Variants in DACH1 observed in about 807,000 individuals in gnomAD.
The protein encoded by DACH1 is dachshund homolog 1.
In DACH1, 12 loss-of-function variants were observed where a neutral mutation model predicts 54.2. The observed-to-expected ratio is 0.22, with a 90% CI of 0.14 to 0.36. DACH1 has a LOEUF of 0.36. Among genes scored for constraint, DACH1 ranks in the 10% least tolerant of loss-of-function variants. DACH1 has a pLI of 1.00. For synonymous variants in DACH1, 386 were observed against 366.2 expected, an observed-to-expected ratio of 1.05 and a Z score of -0.62; for missense variants, 805 against 929.8, an observed-to-expected ratio of 0.87 and a Z score of 1.75.
chr13:71,661,254 C>A (rs1047849816), intron 2 of DACH1, among the ~76,000 whole-genome samples: 3 of 151,108 alleles, frequency 2.0e-5, no homozygotes, highest in African/African-American at 7.3e-5. Flanking sequence ...TAGAAAATAT[C>A]TTAGCACATA....
In DACH1 at chr13:71,475,853, A is replaced by C; in HGVS notation, c.1871-4T>G. The C allele has an allele frequency of 6.3e-7, 1 of 1,599,350 alleles. No homozygotes were observed. On this transcript the variant is annotated splice_region_variant and splice_polypyrimidine_tract_variant and intron_variant, in intron 8 of 10. Coordinates refer to ENST00000613252, the MANE Select transcript of DACH1 (RefSeq NM_080759.6). ...TTTAGCCTCTTTTGAACTATGGCTA[A>C]AAAAGAGTGTATGCATATTATTATT...
chr13:71,591,310 T>TA (rs1484177144), intron 3 of DACH1, among the ~76,000 whole-genome samples: 2 of 152,142 alleles, frequency 1.3e-5, no homozygotes, highest in Non-Finnish European at 2.9e-5. Flanking sequence ...ATATAGATTC[T>TA]AAAAAATCAT....
At chr13:71,657,881 T>C (rs1353780950) in intron 2 of DACH1, among the ~76,000 whole-genome samples, 1 of 152,188 alleles carries the variant, frequency 6.6e-6, no homozygotes, top group Admixed American at 6.5e-5. Flanking sequence ...GTGCTGGGAT[T>C]ACGGGTGTGA....
chr13:71,518,828 C>G (rs1251854664), intron 6 of DACH1, among the ~76,000 whole-genome samples: 2 of 151,784 alleles, frequency 1.3e-5, no homozygotes, highest in Non-Finnish European at 2.9e-5. Flanking sequence ...CAGATCCAAC[C>G]TGCTGCCTGA....
intron 1 of DACH1, among the ~76,000 whole-genome samples, chr13:71,702,129 T>C (rs1882168491): frequency 6.6e-6 from 1 of 152,130 alleles, no homozygotes; most frequent in Non-Finnish European, 1.5e-5. Flanking sequence ...GTTACGCAAG[T>C]CACAAGAAAT....
intron 7 of DACH1, among the ~76,000 whole-genome samples, chr13:71,488,448 A>G (rs1411818432): frequency 6.6e-6 from 1 of 152,186 alleles, no homozygotes; most frequent in Non-Finnish European, 1.5e-5. Flanking sequence ...TGAGGACCAC[A>G]TAGGAAATCC....
chr13:71,463,621 G>A (rs1222630224), intron 10 of DACH1, among the ~76,000 whole-genome samples: 3 of 151,928 alleles, frequency 2.0e-5, no homozygotes, highest in African/African-American at 4.8e-5. Flanking sequence ...TTACATCTAT[G>A]TACCTCAGTT....
chr13:71,782,940 T>G (rs1594215856), intron 1 of DACH1, among the ~76,000 whole-genome samples: 3 of 152,134 alleles, frequency 2.0e-5, no homozygotes, highest in Admixed American at 2.0e-4. Context: ...TAAAAATTAT[T>G]CCTCAAAGTC....
chr13:71,777,978 G>C (rs1402770672), intron 1 of DACH1, among the ~76,000 whole-genome samples: 2 of 151,800 alleles, frequency 1.3e-5, no homozygotes, highest in African/African-American at 4.8e-5. Context: ...TTAGCTGGTA[G>C]TAAGGGGTTG....
intron 1 of DACH1, among the ~76,000 whole-genome samples, chr13:71,701,208 C>T (rs1481965571): frequency 1.3e-5 from 2 of 151,864 alleles, no homozygotes; most frequent in Non-Finnish European, 2.9e-5. Context: ...AATAAATGTT[C>T]ATATATATGT....
chr13:71,486,797 A>T (rs116221512), intron 7 of DACH1, among the ~76,000 whole-genome samples: 20 of 25,922 alleles, frequency 7.7e-4, no homozygotes, highest in Admixed American at 4.0e-3. Flanking sequence ...TAAATTAATT[A>T]ATTTATTTAT....
intron 1 of DACH1, among the ~76,000 whole-genome samples, chr13:71,795,887 T>C (rs1330787495): frequency 6.6e-6 from 1 of 152,116 alleles, no homozygotes; most frequent in East Asian, 1.9e-4. Context: ...AGTAGGTGCT[T>C]AGGTGATAGA....
chr13:71,549,097 A>G (rs1232298926), intron 6 of DACH1, among the ~76,000 whole-genome samples: 1 of 152,130 alleles, frequency 6.6e-6, no homozygotes, highest in Non-Finnish European at 1.5e-5. Flanking sequence ...ATATGCTAGT[A>G]AATTGCAGGA....
At chr13:71,462,552 A>G (rs975786988) in intron 10 of DACH1, among the ~76,000 whole-genome samples, 7 of 151,894 alleles carry the variant, frequency 4.6e-5, no homozygotes, top group Non-Finnish European at 8.8e-5. Flanking sequence ...AGAATGCAAG[A>G]TATGTTTAAT....
chr13:71,637,815 C>T (rs1422001829), intron 2 of DACH1, among the ~76,000 whole-genome samples: 1 of 151,968 alleles, frequency 6.6e-6, no homozygotes, highest in Non-Finnish European at 1.5e-5. Context: ...TAAGTTAGTA[C>T]CCTTACTTAT....
intron 1 of DACH1, among the ~76,000 whole-genome samples, chr13:71,696,705 A>G (rs1185549164): frequency 2.6e-5 from 4 of 151,758 alleles, no homozygotes; most frequent in African/African-American, 4.8e-5. Context: ...GCACCACCAC[A>G]CCCGACTAAT....
chr13:71,601,584 G>A (rs1206430208), intron 3 of DACH1, among the ~76,000 whole-genome samples: 1 of 151,728 alleles, frequency 6.6e-6, no homozygotes, highest in Non-Finnish European at 1.5e-5. Flanking sequence ...ACACCTGTAG[G>A]AACAAAATCT....
chr13:71,840,046 A>T (rs907002712), intron 1 of DACH1, among the ~76,000 whole-genome samples: 1 of 152,180 alleles, frequency 6.6e-6, no homozygotes, highest in Non-Finnish European at 1.5e-5. Flanking sequence ...TCCTCGGTTC[A>T]AGCAATTCTC....
intron 6 of DACH1, among the ~76,000 whole-genome samples, chr13:71,526,706 G>GTATATA (rs36030987): frequency 2.8e-4 from 41 of 144,280 alleles, no homozygotes; most frequent in Admixed American, 1.3e-3. Flanking sequence ...ATGTGTGTGT[G>GTATATA]TATATATATA....
Sources: gnomAD v4.1 joint callset for allele counts (sites outside exome capture counted in the v4.1 genomes callset) on GRCh38, gnomAD v4.1.1 for gene constraint, MANE v1.5 for transcripts, NCBI Gene and HGNC (gene_info 2026-07-23, HGNC 2026-07-21) for gene names.